CADPS2: variants seen among roughly 807,000 people sequenced by gnomAD.
CADPS2 encodes the protein calcium dependent secretion activator 2, also known as calcium-dependent secretion activator 2.
Under a neutral mutation model 172.5 loss-of-function variants are expected in CADPS2, and 93 were observed. The ratio of observed to expected loss-of-function variants is 0.54; its 90% CI spans 0.46 to 0.64. CADPS2 has a LOEUF of 0.64. Among genes scored for constraint, CADPS2 ranks in the 30% least tolerant of loss-of-function variants. The pLI is 0.00. For missense variants in CADPS2, 1,420 were observed against 1,565.9 expected (o/e 0.91, Z 1.57); for synonymous variants, 546 against 555.2 (o/e 0.98, Z 0.23).
intron 22 of CADPS2, among the ~76,000 whole-genome samples, chr7:122,390,148 T>C (rs796537615): frequency 5.3e-5 from 8 of 152,048 alleles, no homozygotes; most frequent in African/African-American, 1.7e-4. Flanking sequence ...GGACCAATCA[T>C]AGCAAAGCAC....
chr7:122,635,426 C>T (rs900690181), intron 3 of CADPS2, among the ~76,000 whole-genome samples: 1 of 140,900 alleles, frequency 7.1e-6, no homozygotes, highest in African/African-American at 2.6e-5. Flanking sequence ...CTATCCCTCC[C>T]CCCTCCCCAG....
chr7:122,528,116 G>GGTA (rs1315879404), intron 8 of CADPS2, among the ~76,000 whole-genome samples: 17 of 24,658 alleles, frequency 6.9e-4, no homozygotes, highest in African/African-American at 2.2e-3. Context: ...CATTAGTGGT[G>GGTA]GTGGTGGTGG....
At chr7:122,402,729 CTG>C (rs1289041311) in intron 20 of CADPS2, among the ~76,000 whole-genome samples, 3 of 152,108 alleles carry the variant, frequency 2.0e-5, no homozygotes, top group Admixed American at 1.3e-4. Flanking sequence ...AAATCACAAA[CTG>C]TTTAAAAATC....
At chr7:122,412,146 A>G (rs2047390966) in intron 19 of CADPS2, among the ~76,000 whole-genome samples, 1 of 152,220 alleles carries the variant, frequency 6.6e-6, no homozygotes, top group African/African-American at 2.4e-5. Flanking sequence ...GATGAGGGAC[A>G]TTTGTTGGTC....
intron 1 of CADPS2, among the ~76,000 whole-genome samples, chr7:122,810,649 G>T (rs1439520379): frequency 6.6e-6 from 1 of 152,114 alleles, no homozygotes; most frequent in African/African-American, 2.4e-5. Flanking sequence ...TATCTATATT[G>T]TTAGATAGGT....
In CADPS2 at chr7:122,393,230, T is replaced by A. The variant is rs750995883; in HGVS notation, c.2974A>T (p.Thr992Ser). Residue 992 changes from threonine (T) to serine (S), a missense_variant, in exon 22 of 30, where the codon ACT becomes TCT. By Grantham distance (58) the Thr-to-Ser change is moderately conservative. Coordinates refer to ENST00000449022, the MANE Select transcript of CADPS2 (RefSeq NM_017954.11). ...TATAAAGAAGGCATCCACGAAGCAG[T>A]AGAAATGTTAGGAATCTGTGGAAGA... ...LNLPQIPNIS[T>S]ASWMPSLYES... 1.1e-5 allele frequency: 17 copies of A among 1,613,632 alleles called. No homozygotes were observed. The highest frequency in any genetic ancestry group is 1.2e-5 in the Non-Finnish European group (14 of 1,179,758).
intron 1 of CADPS2, among the ~76,000 whole-genome samples, chr7:122,876,627 T>C (rs1251049071): frequency 1.3e-5 from 2 of 152,140 alleles, no homozygotes; most frequent in Admixed American, 6.6e-5. Flanking sequence ...CCTCCCAAAA[T>C]GCTGGGATTA....
rs772474633 is a variant in CADPS2 at position 122,393,286 on chromosome 7, G to C, written c.2918C>G (p.Ala973Gly). The change falls in exon 22 of 30, where the codon GCT (alanine) becomes GGT (glycine). Residue 973 changes from alanine to glycine, a missense_variant. Physicochemically the swap from Ala to Gly is moderately conservative, Grantham distance 60 (BLOSUM62 0). Coordinates refer to ENST00000449022, the MANE Select transcript of CADPS2 (RefSeq NM_017954.11). Reference protein sequence around the residue: ...KNIANSLPNVALPKVPSLPLN... With the variant: ...KNIANSLPNVGLPKVPSLPLN... Reference sequence around the variant, plus strand: ...AGGCAGACTTGGAACTTTTGGAAGAGCTACATTGGGAAGACTGTTGGCGAT... The same window carrying C: ...AGGCAGACTTGGAACTTTTGGAAGACCTACATTGGGAAGACTGTTGGCGAT... The C allele has an allele frequency of 1.2e-6, 2 of 1,613,762 alleles. No individual in the cohort carries two copies. Among genetic ancestry groups the C allele is most frequent in the East Asian group, 2.2e-5 (1 of 44,886 alleles).
chr7:122,419,153 T>C (rs2048270735), intron 17 of CADPS2, among the ~76,000 whole-genome samples: 1 of 152,164 alleles, frequency 6.6e-6, no homozygotes, highest in African/African-American at 2.4e-5. Context: ...TGGCAGGTAT[T>C]TAATGAATGT....
intron 3 of CADPS2, among the ~76,000 whole-genome samples, chr7:122,629,889 T>A (rs1474259959): frequency 6.6e-6 from 1 of 152,142 alleles, no homozygotes; most frequent in Non-Finnish European, 1.5e-5. Context: ...TAGAAATCCA[T>A]TCTCCTGTTC....
chr7:122,816,498 G>A lies in CADPS2; in HGVS notation c.339+69501C>T, dbSNP rs532700384. Among the ~76,000 whole-genome samples, 191 of 152,302 alleles carry A rather than the reference G, an allele frequency of 1.3e-3. 1 individual carries two copies. Among genetic ancestry groups the A allele is most frequent in the Admixed American group, 1.7e-3 (26 of 15,298 alleles). On this transcript the variant is annotated intron_variant, in intron 1 of 29. Coordinates refer to ENST00000449022, the MANE Select transcript of CADPS2 (RefSeq NM_017954.11). Reference sequence around the variant, plus strand: ...TTGTGAATAGTGCTGCAATAAACCTGAAAGTACAGGTAGCTCTTAAATATT... The same window carrying A: ...TTGTGAATAGTGCTGCAATAAACCTAAAAGTACAGGTAGCTCTTAAATATT...
intron 1 of CADPS2, among the ~76,000 whole-genome samples, chr7:122,839,788 T>A (rs908128595): frequency 2.6e-5 from 4 of 152,170 alleles, no homozygotes; most frequent in African/African-American, 7.2e-5. Flanking sequence ...CAACAGGTGC[T>A]GGAGAGGATG....
intron 17 of CADPS2, among the ~76,000 whole-genome samples, chr7:122,432,647 A>AT (rs1417537021): frequency 2.7e-5 from 4 of 150,624 alleles, no homozygotes; most frequent in Admixed American, 6.6e-5. Flanking sequence ...TTAAAATAAA[A>AT]AAAAAAAAAA....
At chr7:122,533,070 A>C (rs2061923328) in intron 8 of CADPS2, among the ~76,000 whole-genome samples, 2 of 152,078 alleles carry the variant, frequency 1.3e-5, no homozygotes, top group Non-Finnish European at 2.9e-5. Context: ...TGCCCTCTAG[A>C]GATGTGGGGC....
In CADPS2 at chr7:122,741,560, C is replaced by T. The variant is rs550972759; in HGVS notation, c.340-4492G>A. Among the ~76,000 whole-genome samples, 4 of 152,168 alleles carry T rather than the reference C, an allele frequency of 2.6e-5. No homozygotes were observed. In the South Asian group the frequency reaches 8.3e-4, roughly 32 times the overall value. On this transcript the variant is annotated intron_variant, in intron 1 of 29. Coordinates refer to ENST00000449022, the MANE Select transcript of CADPS2 (RefSeq NM_017954.11). The stretch of plus-strand genomic sequence containing the variant: ...CATTCTTTCAGGTAAAAAAACTTAC[C>T]TTGACTCTGTGTCTATTTTTTTAAA...
Position 122,533,653 on chromosome 7 carries a change from C to T in CADPS2, c.1476-20338G>A, listed in dbSNP as rs551348721. 1.2e-4 allele frequency among the ~76,000 whole-genome samples: 18 copies of T among 152,094 alleles called. No individual in the cohort carries two copies. The East Asian group carries it at 3.5e-3, about 29-fold the overall frequency. Reference sequence around the variant, plus strand: ...TCCAGAAGTCTCATGTTATTTTATGCCAATTAACAAATTGCTAACATGTCA... The same window carrying T: ...TCCAGAAGTCTCATGTTATTTTATGTCAATTAACAAATTGCTAACATGTCA... On this transcript the variant is annotated intron_variant, in intron 8 of 29. Transcript: ENST00000449022.
intron 2 of CADPS2, chr7:122,681,801 C>T (rs907903597): frequency 4.5e-5 from 22 of 483,604 alleles, no homozygotes; most frequent in African/African-American, 1.0e-4. Context: ...AAAAATAAAA[C>T]CCTTAGACCA....
chr7:122,499,244 A>T (rs73433711), intron 9 of CADPS2, among the ~76,000 whole-genome samples: 4 of 152,302 alleles, frequency 2.6e-5, no homozygotes, highest in African/African-American at 9.6e-5. Context: ...TAAGTTCTTT[A>T]TAAGATCTCT....
At chr7:122,574,778 A>G (rs1399387746) in intron 7 of CADPS2, among the ~76,000 whole-genome samples, 2 of 152,140 alleles carry the variant, frequency 1.3e-5, no homozygotes, top group Non-Finnish European at 2.9e-5. Flanking sequence ...GACACAGACT[A>G]TAACACACAA....
Sources: gnomAD v4.1 joint callset for allele counts (sites outside exome capture counted in the v4.1 genomes callset) on GRCh38, gnomAD v4.1.1 for gene constraint, MANE v1.5 for transcripts, NCBI Gene and HGNC (gene_info 2026-07-23, HGNC 2026-07-21) for gene names.